The following KDELR2 variants were observed in gnomAD, a reference collection of about 807,000 sequenced individuals.
KDELR2 encodes ER lumen protein-retaining receptor 2.
A neutral mutation model predicts 23.9 loss-of-function variants in KDELR2; 15 were observed. The observed-to-expected ratio is 0.63, with a 90% CI of 0.42 to 0.97. KDELR2 has a LOEUF of 0.97. KDELR2 is among the 50% of genes least tolerant of loss of function. The pLI, the probability that KDELR2 is intolerant of heterozygous loss-of-function variation, is 0.00. For missense variants in KDELR2, 272 were observed against 254.6 expected (o/e 1.07, Z -0.46); for synonymous variants, 119 against 106.2 (o/e 1.12, Z -0.74).
intron 1 of KDELR2, chr7:6,482,525 C>G (rs1336490149): frequency 2.1e-6 from 1 of 469,418 alleles, no homozygotes; most frequent in Admixed American, 2.4e-5. Context: ...CTTAACTGTT[C>G]AAAGGTCTTT....
chr7:6,468,109 TAC>T (rs937599359), intron 3 of KDELR2, among the ~76,000 whole-genome samples: 17 of 152,168 alleles, frequency 1.1e-4, no homozygotes, highest in Admixed American at 4.6e-4. Flanking sequence ...GATAATGAAA[TAC>T]AGTTTCAAGT....
intron 1 of KDELR2, among the ~76,000 whole-genome samples, chr7:6,479,081 G>C (rs1176779422): frequency 5.3e-5 from 8 of 152,102 alleles, no homozygotes; most frequent in Non-Finnish European, 1.0e-4. Flanking sequence ...AAGCCACCGT[G>C]CTCGGCCATC....
In KDELR2 at chr7:6,466,166, A is replaced by T; in HGVS notation, c.509T>A (p.Phe170Tyr). 4 of 1,614,204 alleles carry T rather than the reference A, an allele frequency of 2.5e-6. No individual in the cohort carries two copies. Among genetic ancestry groups the T allele is most frequent in the Non-Finnish European group, 3.4e-6 (4 of 1,180,024 alleles). The change falls in exon 4 of 5, where the codon TTC (phenylalanine) becomes TAC (tyrosine). Residue 170 changes from phenylalanine (F) to tyrosine (Y), a missense_variant. Physicochemically the swap from Phe to Tyr is conservative, Grantham distance 22. Coordinates refer to ENST00000258739, the MANE Select transcript of KDELR2 (RefSeq NM_006854.4). ...ALYLVNWIWR[F>Y]YFEGFFDLIA... ...GAGGTCAAAGAAGCCCTCAAAGTAG[A>T]AGCGCCAGATCCAGTTGACAAGATA... is the stretch of plus-strand genomic sequence containing the variant.
intron 4 of KDELR2, 129 bp downstream of exon 4, chr7:6,465,936 ATGTTAT>A (rs1483960652): frequency 1.8e-5 from 16 of 885,624 alleles, no homozygotes; most frequent in African/African-American, 5.0e-5. Context: ...CTGATCCAGA[ATGTTAT>A]TGGCCAATCA....
chr7:6,471,496 T>G (rs1390194512), intron 2 of KDELR2, among the ~76,000 whole-genome samples: 1 of 152,088 alleles, frequency 6.6e-6, no homozygotes, highest in Admixed American at 6.6e-5. Flanking sequence ...GGGTCTTTAT[T>G]TAAAAGTCTG....
In KDELR2 at chr7:6,469,762, T is replaced by A. The variant is rs764950113; in HGVS notation, c.193-8A>T. 6.3e-6 allele frequency: 10 copies of A among 1,598,534 alleles called. No homozygotes were observed. In the Admixed American group the frequency reaches 7.1e-5, roughly 11 times the overall value. ...GCAGGCAAGGTAGATAACCTACAAATAAAAGAAAAAACACCAGGTGTCAAT... is the reference window on the plus strand; with the variant it reads ...GCAGGCAAGGTAGATAACCTACAAAAAAAAGAAAAAACACCAGGTGTCAAT... On this transcript the variant is annotated splice_polypyrimidine_tract_variant and splice_region_variant and intron_variant, in intron 2 of 4. Transcript: ENST00000258739.
At chr7:6,476,298 C>G (rs1406022091) in intron 1 of KDELR2, among the ~76,000 whole-genome samples, 1 of 56,206 alleles carries the variant, frequency 1.8e-5, no homozygotes, top group Non-Finnish European at 4.0e-5. Flanking sequence ...GAGACACGGA[C>G]AGTGAATCTG....
chr7:6,469,218 C>T (rs1785572780), intron 3 of KDELR2, among the ~76,000 whole-genome samples: 1 of 152,028 alleles, frequency 6.6e-6, no homozygotes, highest in South Asian at 2.1e-4. Flanking sequence ...TCCCAAAGTG[C>T]TGGAATTACA....
chr7:6,477,836 T>C (rs994653420), intron 1 of KDELR2, among the ~76,000 whole-genome samples: 1 of 152,158 alleles, frequency 6.6e-6, no homozygotes, highest in African/African-American at 2.4e-5. Flanking sequence ...ACACATGAGG[T>C]GACGGAAATA....
intron 1 of KDELR2, among the ~76,000 whole-genome samples, chr7:6,480,606 G>A (rs1381869164): frequency 6.6e-6 from 1 of 151,994 alleles, no homozygotes; most frequent in Non-Finnish European, 1.5e-5. Flanking sequence ...ATCCTTATGG[G>A]GTAAAAAGCA....
rs1785416902 is a variant in KDELR2 at position 6,462,858 on chromosome 7, G to T, written c.*283C>A. The T allele has an allele frequency of 2.1e-6, 2 of 961,238 alleles. No homozygotes were observed. Among genetic ancestry groups the T allele is most frequent in the African/African-American group, 1.7e-5 (1 of 59,712 alleles). 59.5% of individuals were successfully genotyped at this position (961,238 alleles called of 1,614,324 possible). The stretch of plus-strand genomic sequence containing the variant: ...ATTCCTCACAAAATCTTCACTTTTG[G>T]AACTATCCCAATTGAAGCTACACAC... On this transcript the variant is annotated 3_prime_UTR_variant, in exon 5 of 5. Transcript: ENST00000258739.
rs749289046 is a variant in KDELR2, at chr7:6,469,713, G to A, written c.234C>T (p.Ile78=). 6.2e-7 allele frequency: 1 copy of A among 1,614,112 alleles called. No individual in the cohort carries two copies. The highest frequency in any genetic ancestry group is 1.7e-5 in the Admixed American group (1 of 60,010). The change falls in exon 3 of 5, where the codon ATC becomes ATT. Residue 78 remains isoleucine, a synonymous_variant. Coordinates refer to ENST00000258739, the MANE Select transcript of KDELR2 (RefSeq NM_006854.4). ...LACSYATVYL[I]YLKFKATYDG... ...CGTAGGTTGCCTTAAATTTCAGGTA[G>A]ATCAGGTACACTGTGGCATAGGAGC...
At chr7:6,471,268 G>A (rs1334610503) in intron 2 of KDELR2, among the ~76,000 whole-genome samples, 2 of 115,590 alleles carry the variant, frequency 1.7e-5, no homozygotes, top group African/African-American at 6.6e-5. Flanking sequence ...TGCAACCTCC[G>A]CCTCCCAGGT....
At chr7:6,464,670 TGAGA>T (rs1308945601) in intron 4 of KDELR2, among the ~76,000 whole-genome samples, 2 of 150,312 alleles carry the variant, frequency 1.3e-5, no homozygotes, top group Non-Finnish European at 3.0e-5. Flanking sequence ...CTAGCCTGGG[TGAGA>T]GAGACTCGGT....
chr7:6,473,996 G>T, intron 2 of KDELR2, 188 bp downstream of exon 2: 2 of 451,036 alleles, frequency 4.4e-6, no homozygotes, highest in Non-Finnish European at 7.8e-6. Context: ...AAAAATGTAT[G>T]CTTACTGATA....
chr7:6,479,475 T>G (rs1415676296), intron 1 of KDELR2, among the ~76,000 whole-genome samples: 1 of 151,810 alleles, frequency 6.6e-6, no homozygotes, highest in Non-Finnish European at 1.5e-5. Flanking sequence ...ACTTTTTTTT[T>G]GTTTGTTTGT....
intron 1 of KDELR2, among the ~76,000 whole-genome samples, chr7:6,479,473 T>G (rs1168333646): frequency 6.6e-6 from 1 of 151,410 alleles, no homozygotes; most frequent in Non-Finnish European, 1.5e-5. Flanking sequence ...AAACTTTTTT[T>G]TTGTTTGTTT....
intron 1 of KDELR2, among the ~76,000 whole-genome samples, chr7:6,477,726 T>C (rs1161867540): frequency 6.6e-6 from 1 of 152,204 alleles, no homozygotes; most frequent in Non-Finnish European, 1.5e-5. Context: ...ACTGGTGCAA[T>C]CATAGCTTCC....
At chr7:6,475,742 G>T (rs552906378) in intron 1 of KDELR2, among the ~76,000 whole-genome samples, 1 of 152,180 alleles carries the variant, frequency 6.6e-6, no homozygotes, top group Non-Finnish European at 1.5e-5. Flanking sequence ...GCTGGAGACT[G>T]AGCAAATGCA....
Sources: gnomAD v4.1 joint callset for allele counts (sites outside exome capture counted in the v4.1 genomes callset) on GRCh38, gnomAD v4.1.1 for gene constraint, MANE v1.5 for transcripts, NCBI Gene and HGNC (gene_info 2026-07-23, HGNC 2026-07-21) for gene names.